The following GYS2 variants were observed in gnomAD, a reference collection of about 807,000 sequenced individuals.
GYS2 encodes the protein glycogen [starch] synthase, liver.
Under a neutral mutation model 85.6 loss-of-function variants are expected in GYS2, and 80 were observed. The ratio of observed to expected loss-of-function variants is 0.93; its 90% CI spans 0.78 to 1.13. The LOEUF (loss-of-function observed/expected upper bound fraction) is 1.13. Ranked by LOEUF, GYS2 falls within the 50% of genes most tolerant of loss-of-function variation. The probability of loss-of-function intolerance (pLI) is 0.00; values close to 1 mark genes in which losing one functional copy is unlikely to be tolerated. For synonymous variants in GYS2, 328 were observed against 300.7 expected (o/e 1.09, Z -0.94); for missense variants, 881 against 854.9 (o/e 1.03, Z -0.38).
intron 3 of GYS2, 152 bp from the exon 4 acceptor site, chr12:21,574,478 T>G (rs1263332445): frequency 4.6e-6 from 3 of 655,626 alleles, no homozygotes; most frequent in Non-Finnish European, 8.1e-6. Flanking sequence ...GCAAGGATAA[T>G]ACAGGATTCA....
At chr12:21,601,737 T>G (rs577546749) in intron 1 of GYS2, among the ~76,000 whole-genome samples, 148 of 152,102 alleles carry the variant, frequency 9.7e-4, no homozygotes, top group Non-Finnish European at 1.8e-3. Context: ...ATGTCTACCT[T>G]CTACAAATTT....
At chr12:21,541,726 CA>C (rs1424946855) in intron 13 of GYS2, among the ~76,000 whole-genome samples, 3 of 151,904 alleles carry the variant, frequency 2.0e-5, no homozygotes, top group Admixed American at 2.0e-4. Context: ...AGTTTAGGTT[CA>C]GGGGGTACAT....
rs372237517 is a variant in GYS2, at chr12:21,542,605, T to C, written c.1550-14A>G. The C allele has an allele frequency of 3.5e-5, 56 of 1,580,672 alleles. No homozygotes were observed. Among genetic ancestry groups the C allele is most frequent in the African/African-American group, 1.3e-5 (1 of 74,210 alleles). ...CAGTGCATTCAGCTGCCAGGGGAAA[T>C]AGACCAAAGCTTGGCTTCAGACCAG... is the stretch of plus-strand genomic sequence containing the variant. On this transcript the variant is annotated splice_polypyrimidine_tract_variant and intron_variant, in intron 12 of 15. Transcript: ENST00000261195.
intron 1 of GYS2, among the ~76,000 whole-genome samples, chr12:21,589,526 C>T (rs147481015): frequency 2.6e-5 from 4 of 152,222 alleles, no homozygotes; most frequent in African/African-American, 9.6e-5. Context: ...GTAGAAAATC[C>T]CACATAAGAG....
intron 1 of GYS2, among the ~76,000 whole-genome samples, chr12:21,596,293 C>T (rs933124117): frequency 3.3e-5 from 5 of 151,746 alleles, no homozygotes; most frequent in African/African-American, 1.2e-4. Context: ...AAGGACATAA[C>T]CAAAAAAGAA....
intron 5 of GYS2, among the ~76,000 whole-genome samples, 175 bp from the exon 6 acceptor site, chr12:21,563,520 G>T (rs542756891): frequency 3.9e-5 from 6 of 152,050 alleles, no homozygotes; most frequent in Non-Finnish European, 5.9e-5. Flanking sequence ...ATAAAAATTC[G>T]CAACAAATTT....
At chr12:21,574,470 A>G (rs1341447068) in intron 3 of GYS2, 144 bp from the exon 4 acceptor site, 2 of 675,432 alleles carry the variant, frequency 3.0e-6, no homozygotes. Context: ...AATATTTAGC[A>G]AGGATAATAC....
chr12:21,541,280 A>AAC (rs1943971232), intron 13 of GYS2, among the ~76,000 whole-genome samples: 1 of 140,164 alleles, frequency 7.1e-6, no homozygotes, highest in African/African-American at 2.6e-5. Flanking sequence ...AAAAAAAAAA[A>AAC]AAAAAAAAAA....
intron 4 of GYS2, among the ~76,000 whole-genome samples, chr12:21,569,717 GAAA>G (rs1475635111): frequency 6.6e-6 from 1 of 152,144 alleles, no homozygotes; most frequent in Non-Finnish European, 1.5e-5. Flanking sequence ...CAGTGTCTAA[GAAA>G]AAAAGAATAT....
chr12:21,559,536 A>G (rs1362181438), intron 9 of GYS2, 115 bp downstream of exon 9: 1 of 715,620 alleles, frequency 1.4e-6, no homozygotes, highest in Admixed American at 2.2e-5. Flanking sequence ...ACATTTTCAA[A>G]GGTTATTAAT....
At chr12:21,572,910 C>A (rs954252277) in intron 4 of GYS2, among the ~76,000 whole-genome samples, 1 of 152,172 alleles carries the variant, frequency 6.6e-6, no homozygotes, top group African/African-American at 2.4e-5. Context: ...GCACTCCTCT[C>A]CAGGAAGCAT....
At chr12:21,567,846 G>A (rs539607163) in intron 5 of GYS2, among the ~76,000 whole-genome samples, 3 of 152,176 alleles carry the variant, frequency 2.0e-5, no homozygotes, top group Admixed American at 6.5e-5. Context: ...AGGCCAAGGC[G>A]GGTGGATCAC....
In GYS2 at chr12:21,588,904, G is replaced by A. The variant is rs189330098; in HGVS notation, c.122-8381C>T. 4.4e-3 allele frequency among the ~76,000 whole-genome samples: 677 copies of A among 152,342 alleles called. 1 individual carries two copies. Among genetic ancestry groups the A allele is most frequent in the Middle Eastern group, 0.01 (3 of 294 alleles). ...CTAAAATGAAGAACTTTTCTTTAAAGTGTGGGAGTCACATCTTAGCAACAT... is the reference window on the plus strand; with the variant it reads ...CTAAAATGAAGAACTTTTCTTTAAAATGTGGGAGTCACATCTTAGCAACAT... On this transcript the variant is annotated intron_variant, in intron 1 of 15. Coordinates refer to ENST00000261195, the MANE Select transcript of GYS2 (RefSeq NM_021957.4).
chr12:21,570,732 C>T (rs79814023), intron 4 of GYS2, among the ~76,000 whole-genome samples: 2 of 152,118 alleles, frequency 1.3e-5, no homozygotes, highest in Non-Finnish European at 2.9e-5. Context: ...AGAGGCTGGT[C>T]GGATACAATA....
chr12:21,579,947 T>C (rs1944490366), intron 2 of GYS2, among the ~76,000 whole-genome samples: 2 of 152,244 alleles, frequency 1.3e-5, no homozygotes, highest in Non-Finnish European at 2.9e-5. Context: ...TTAGCTTTGC[T>C]TCTACATTTG....
At chr12:21,569,684 C>T (rs1944363841) in intron 4 of GYS2, among the ~76,000 whole-genome samples, 1 of 152,150 alleles carries the variant, frequency 6.6e-6, no homozygotes, top group African/African-American at 2.4e-5. Context: ...TGTAGTGTCT[C>T]ACGCAGCTCC....
intron 1 of GYS2, among the ~76,000 whole-genome samples, chr12:21,590,593 T>C (rs255440): frequency 0.97 from 147,935 of 152,236 alleles, 72,031 homozygotes; most frequent in East Asian, 1. Context: ...ACACCCACTG[T>C]CCAGAAGCCT....
At position 21,563,003 on chromosome 12, in the gene GYS2, A is replaced by C; in HGVS notation, c.977T>G (p.Leu326Arg). 6.2e-7 allele frequency: 1 copy of C among 1,613,362 alleles called. No individual in the cohort carries two copies. The highest frequency in any genetic ancestry group is 8.5e-7 in the Non-Finnish European group (1 of 1,179,424). The change falls in exon 7 of 16, where the codon CTT becomes CGT. Residue 326 changes from leucine to arginine, a missense_variant. Transcript: ENST00000261195. ...AAACTCATACCTCCCAGCAATGAAAAGGAACAAAGTCTTTTCAAGATCAAA... is the reference window on the plus strand; with the variant it reads ...AAACTCATACCTCCCAGCAATGAAACGGAACAAAGTCTTTTCAAGATCAAA... Reference protein sequence around the residue: ...LDFDLEKTLFLFIAGRYEFSN... With the variant: ...LDFDLEKTLFRFIAGRYEFSN...
chr12:21,566,637 A>G (rs1178865944), intron 5 of GYS2, among the ~76,000 whole-genome samples: 1 of 152,228 alleles, frequency 6.6e-6, no homozygotes, highest in Non-Finnish European at 1.5e-5. Context: ...CTAAATCTTT[A>G]CAATGTACCA....
Sources: gnomAD v4.1 joint callset for allele counts (sites outside exome capture counted in the v4.1 genomes callset) on GRCh38, gnomAD v4.1.1 for gene constraint, MANE v1.5 for transcripts, NCBI Gene and HGNC (gene_info 2026-07-23, HGNC 2026-07-21) for gene names.